RAC1: variants seen among roughly 807,000 people sequenced by gnomAD.
The protein encoded by RAC1 is ras-related C3 botulinum toxin substrate 1.
A neutral mutation model predicts 25.2 loss-of-function variants in RAC1; 2 were observed. The observed-to-expected ratio is 0.08, with a 90% CI of 0.03 to 0.25. The LOEUF (loss-of-function observed/expected upper bound fraction) is 0.25. Ranked by LOEUF, RAC1 falls within the 10% of genes least tolerant of loss-of-function variation. The pLI is 1.00. For missense variants in RAC1, 50 were observed against 235.7 expected, an observed-to-expected ratio of 0.21 and a Z score of 5.16; for synonymous variants, 88 against 94.0, an observed-to-expected ratio of 0.94 and a Z score of 0.37.
At chr7:6,391,015 G>A (rs545783720) in intron 2 of RAC1, among the ~76,000 whole-genome samples, 6 of 152,154 alleles carry the variant, frequency 3.9e-5, no homozygotes, top group African/African-American at 1.2e-4. Flanking sequence ...TCTTGCCTCA[G>A]CCTCCCAAGT....
At chr7:6,392,743 ATGTT>A (rs1783124577) in intron 3 of RAC1, among the ~76,000 whole-genome samples, 2 of 152,284 alleles carry the variant, frequency 1.3e-5, no homozygotes, top group East Asian at 1.9e-4. Flanking sequence ...ATCTTGTTAC[ATGTT>A]TGTTCTTCAT....
chr7:6,398,421 C>A (rs139273944), intron 3 of RAC1, among the ~76,000 whole-genome samples: 47 of 152,302 alleles, frequency 3.1e-4, no homozygotes, highest in African/African-American at 1.1e-3. Context: ...TGTTGCCCCC[C>A]CTCAGGATCT....
intron 1 of RAC1, among the ~76,000 whole-genome samples, chr7:6,381,945 A>G (rs1270931546): frequency 6.6e-6 from 1 of 152,130 alleles, no homozygotes; most frequent in African/African-American, 2.4e-5. Context: ...GTAGGAATAT[A>G]TATTTGACAG....
intron 3 of RAC1, chr7:6,399,679 C>G (rs1197215843): frequency 6.4e-6 from 1 of 155,366 alleles, no homozygotes; most frequent in Non-Finnish European, 1.4e-5. Flanking sequence ...ATTGGAGCCC[C>G]CGCTTGGTGC....
rs1331596658 is a variant in RAC1, at chr7:6,380,338, T to A, written c.35+5568T>A. On this transcript the variant is annotated intron_variant, in intron 1 of 5. Coordinates refer to ENST00000348035, the MANE Select transcript of RAC1 (RefSeq NM_006908.5). The stretch of plus-strand genomic sequence containing the variant: ...TCTTTGTTGATGATTTTATACATAA[T>A]GTGGTTTTTTTTCTTGATAAGCCAA... Among the ~76,000 whole-genome samples, 4 of 151,656 alleles carry A rather than the reference T, an allele frequency of 2.6e-5. No individual in the cohort carries two copies. The Admixed American group carries it at 2.6e-4, about 10-fold the overall frequency.
chr7:6,398,006 A>C (rs985817972), intron 3 of RAC1, among the ~76,000 whole-genome samples: 1 of 152,226 alleles, frequency 6.6e-6, no homozygotes, highest in African/African-American at 2.4e-5. Flanking sequence ...CTTGTCCTTA[A>C]GGGGTGGCTT....
In RAC1 at chr7:6,403,197, T is replaced by A. The variant is rs1783469102; in HGVS notation, c.*751T>A. On this transcript the variant is annotated 3_prime_UTR_variant, in exon 6 of 6. Transcript: ENST00000348035. ...CAAAATACGAAGTGGAGATTTACAC[T>A]ACATTGTACAAGGAATGAAAGTGTC... The A allele has an allele frequency of 4.5e-6, 1 of 222,148 alleles. No homozygotes were observed. The highest frequency in any genetic ancestry group is 5.8e-5 in the Admixed American group (1 of 17,354). 13.8% of individuals were successfully genotyped at this position (222,148 alleles called of 1,614,324 possible). A position where few individuals can be genotyped will look rare whatever the true frequency, so the allele number is the denominator to read the frequency against.
chr7:6,397,579 G>T (rs187054305), intron 3 of RAC1, among the ~76,000 whole-genome samples: 1 of 152,274 alleles, frequency 6.6e-6, no homozygotes, highest in East Asian at 1.9e-4. Flanking sequence ...AGGCGTGAGC[G>T]CTTTTCTTAA....
chr7:6,397,043 A>AC (rs1783257516), intron 3 of RAC1, among the ~76,000 whole-genome samples: 1 of 100,334 alleles, frequency 1.0e-5, no homozygotes, highest in Admixed American at 1.2e-4. Flanking sequence ...AAACAAAAAA[A>AC]AAAAAAAAAA....
chr7:6,389,848 T>G (rs1258287378), intron 2 of RAC1, among the ~76,000 whole-genome samples: 1 of 152,144 alleles, frequency 6.6e-6, no homozygotes, highest in East Asian at 1.9e-4. Flanking sequence ...TACTGTACAT[T>G]TTTAGTCTCT....
intron 1 of RAC1, among the ~76,000 whole-genome samples, chr7:6,386,942 T>G (rs979196601): frequency 3.3e-5 from 5 of 152,172 alleles, no homozygotes; most frequent in African/African-American, 7.2e-5. Flanking sequence ...TGACAACTGT[T>G]TCTTGACTAT....
rs34596091 is a variant in RAC1 at position 6,400,669 on chromosome 7, TTTTTTG to T, written c.288+500_288+505del. Among the ~76,000 whole-genome samples the T allele has an allele frequency of 3.0e-3, 459 of 152,012 alleles. 3 individuals are homozygous for T. Among genetic ancestry groups the T allele is most frequent in the African/African-American group, 8.5e-3 (354 of 41,508 alleles). ...TTTATTTATTTTTGAGAGAGTCTTT[TTTTTTG>T]TTTTTGTTTTTGTTTTTGAGATGGA... On this transcript the variant is annotated intron_variant, in intron 4 of 5. Coordinates refer to ENST00000348035, the MANE Select transcript of RAC1 (RefSeq NM_006908.5).
rs963331331 is a variant in RAC1 at position 6,374,635 on chromosome 7, C to G, written c.-101C>G. 1.2e-6 allele frequency: 1 copy of G among 838,202 alleles called. No homozygotes were observed. The highest frequency in any genetic ancestry group is 1.5e-6 in the Non-Finnish European group (1 of 683,258). 51.9% of individuals were successfully genotyped at this position (838,202 alleles called of 1,614,324 possible). Reference sequence around the variant, plus strand: ...GGACAGCGGCCCCGGCACCCAGCGCCCCGCCGCCCGCAAGCCGCGCGCCCG... The same window carrying G: ...GGACAGCGGCCCCGGCACCCAGCGCGCCGCCGCCCGCAAGCCGCGCGCCCG... On this transcript the variant is annotated 5_prime_UTR_variant, in exon 1 of 6. Coordinates refer to ENST00000348035, the MANE Select transcript of RAC1 (RefSeq NM_006908.5).
rs1165399679 is a variant in RAC1 at position 6,402,585 on chromosome 7, AT to A, written c.*144del. The A allele has an allele frequency of 2.4e-6, 2 of 832,818 alleles. No homozygotes were observed. The highest frequency in any genetic ancestry group is 3.3e-6 in the Non-Finnish European group (2 of 614,698). The allele number at this position is 832,818 out of a possible 1,614,324, so 51.6% of individuals were successfully genotyped here. A position where few individuals can be genotyped will look rare whatever the true frequency, so the allele number is the denominator to read the frequency against. The stretch of plus-strand genomic sequence containing the variant: ...AATGCCAACTTTTTGTTACAGATTA[AT>A]TTTTCCATAAAACCATTTTTTGAAC... On this transcript the variant is annotated 3_prime_UTR_variant, in exon 6 of 6. Coordinates refer to ENST00000348035, the MANE Select transcript of RAC1 (RefSeq NM_006908.5).
At chr7:6,379,823 A>C (rs971192773) in intron 1 of RAC1, among the ~76,000 whole-genome samples, 1 of 152,112 alleles carries the variant, frequency 6.6e-6, no homozygotes, top group Non-Finnish European at 1.5e-5. Flanking sequence ...ATATGGGCTC[A>C]TGGCAACCTC....
intron 2 of RAC1, 23 bp from the exon 3 acceptor site, chr7:6,391,901 A>C (rs1397888365): frequency 8.7e-6 from 14 of 1,613,746 alleles, no homozygotes; most frequent in African/African-American, 5.3e-5. Context: ...CCTGTGACTA[A>C]CCATTTTCAT....
chr7:6,390,520 A>G (rs1289583683), intron 2 of RAC1, among the ~76,000 whole-genome samples: 1 of 151,818 alleles, frequency 6.6e-6, no homozygotes, highest in African/African-American at 2.4e-5. Flanking sequence ...GAATCACTTG[A>G]ACCCAGGAGG....
intron 3 of RAC1, among the ~76,000 whole-genome samples, chr7:6,395,067 G>A (rs1027425769): frequency 6.6e-6 from 1 of 152,128 alleles, no homozygotes; most frequent in Admixed American, 6.5e-5. Context: ...TGTTAGCCAG[G>A]ATGGTCTTGA....
chr7:6,395,386 G>A (rs962606198), intron 3 of RAC1, among the ~76,000 whole-genome samples: 3 of 152,232 alleles, frequency 2.0e-5, no homozygotes, highest in African/African-American at 7.2e-5. Flanking sequence ...GAGGTTGGCT[G>A]TTACAAGTGC....
Sources: allele counts gnomAD v4.1 joint callset (sites outside exome capture counted in the v4.1 genomes callset), GRCh38; gene constraint gnomAD v4.1.1; transcripts MANE v1.5; gene names NCBI Gene and HGNC (gene_info 2026-07-23, HGNC 2026-07-21).